Variants in ARHGAP35 observed in about 807,000 individuals in gnomAD.
ARHGAP35 encodes the protein rho GTPase-activating protein 35.
ARHGAP35 carries 15 observed loss-of-function variants against 111.1 expected under a neutral mutation model. That is an observed-to-expected ratio of 0.13 (90% CI 0.09 to 0.21). ARHGAP35 has a LOEUF of 0.21. Ranked by LOEUF, ARHGAP35 falls within the 10% of genes least tolerant of loss-of-function variation. The pLI, the probability that ARHGAP35 is intolerant of heterozygous loss-of-function variation, is 1.00. For missense variants in ARHGAP35, 1,262 were observed against 1,873.0 expected (o/e 0.67, Z 6.02); for synonymous variants, 643 against 710.3 (o/e 0.91, Z 1.51).
intron 1 of ARHGAP35, among the ~76,000 whole-genome samples, chr19:46,904,077 C>T (rs549774935): frequency 1.3e-5 from 2 of 152,214 alleles, no homozygotes; most frequent in South Asian, 2.1e-4. Flanking sequence ...GTCACTTTGA[C>T]TCTAGGGTCT....
intron 3 of ARHGAP35, among the ~76,000 whole-genome samples, chr19:46,978,789 G>T: frequency 7.4e-6 from 1 of 134,840 alleles, no homozygotes; most frequent in Admixed American, 7.5e-5. Flanking sequence ...TGTGTCTGGT[G>T]TGTGTGGTGG....
rs1054677622 is a variant in ARHGAP35 at position 47,002,867 on chromosome 19, G to C, written c.*2179G>C. 1 of 152,238 alleles carries C rather than the reference G, an allele frequency of 6.6e-6. No individual in the cohort carries two copies. Among genetic ancestry groups the C allele is most frequent in the Admixed American group, 6.5e-5 (1 of 15,276 alleles). The allele number at this position is 152,238 out of a possible 1,614,324, so 9.4% of individuals were successfully genotyped here. On this transcript the variant is annotated 3_prime_UTR_variant, in exon 7 of 7. Transcript: ENST00000672722. ...GCCCGATTCCACAGATGTATGTGCG[G>C]CCAGTGACTTCCCCAGGAGTGTGGA...
At chr19:46,947,734 C>T (rs7257157) in intron 3 of ARHGAP35, 10 of 152,214 alleles carry the variant, frequency 6.6e-5, no homozygotes, top group African/African-American at 1.9e-4. Context: ...AGACTGCCCT[C>T]CACATCCCCA....
chr19:46,990,573 C>A (rs2056674513), intron 5 of ARHGAP35, among the ~76,000 whole-genome samples: 1 of 152,196 alleles, frequency 6.6e-6, no homozygotes, highest in Non-Finnish European at 1.5e-5. Context: ...CACCTGTGAT[C>A]CAGCAACCAG....
rs371452250 is a variant in ARHGAP35 at position 46,999,609 on chromosome 19, C to T, written c.4142+200C>T. The T allele has an allele frequency of 1.7e-6, 1 of 580,936 alleles. No homozygotes were observed. 36.0% of individuals were successfully genotyped at this position (580,936 alleles called of 1,614,324 possible). A position where few individuals can be genotyped will look rare whatever the true frequency, so the allele number is the denominator to read the frequency against. ...CTCTCGCCCATCCTCAGGCCTCCCT[C>T]CTGCTCCTGTCTGAGGGCAGCCCAC... On this transcript the variant is annotated intron_variant, in intron 6 of 6. Coordinates refer to ENST00000672722, the MANE Select transcript of ARHGAP35 (RefSeq NM_004491.5). This position sits in a 1 kb window ranked among gnomAD's most constrained non-coding sequence, Gnocchi z 5.4.
At position 47,000,291 on chromosome 19, in the gene ARHGAP35, C is replaced by T. The variant is rs770986509; in HGVS notation, c.4143-40C>T. The T allele has an allele frequency of 6.3e-7, 1 of 1,597,714 alleles. No homozygotes were observed. The highest frequency in any genetic ancestry group is 1.1e-5 in the South Asian group (1 of 88,696). On this transcript the variant is annotated intron_variant, in intron 6 of 6. Transcript: ENST00000672722. This position sits in a 1 kb window ranked among gnomAD's most constrained non-coding sequence, Gnocchi z 6.9. The stretch of plus-strand genomic sequence containing the variant: ...ATGAGCGCCCAGGGCCAGGTGGGGC[C>T]CTGCACAGTTCTGACCATTGAGTTT...
chr19:46,905,692 G>A (rs1264091758), intron 1 of ARHGAP35, among the ~76,000 whole-genome samples: 1 of 152,156 alleles, frequency 6.6e-6, no homozygotes, highest in Non-Finnish European at 1.5e-5. Flanking sequence ...TGGGACTACA[G>A]GCACATGCCA....
At chr19:46,939,736 C>A (rs2056333971) in intron 3 of ARHGAP35, among the ~76,000 whole-genome samples, 1 of 152,032 alleles carries the variant, frequency 6.6e-6, no homozygotes, top group Non-Finnish European at 1.5e-5. Context: ...TTAAATACTT[C>A]AGTGGGTATT....
chr19:46,913,574 G>A (rs912443189), intron 1 of ARHGAP35, among the ~76,000 whole-genome samples: 31 of 152,074 alleles, frequency 2.0e-4, no homozygotes, highest in African/African-American at 6.3e-4. Flanking sequence ...AAGAAGGCAC[G>A]TAGATATTTG....
In ARHGAP35 at chr19:47,004,930, G is replaced by A. The variant is rs1829099943; in HGVS notation, c.*4242G>A. On this transcript the variant is annotated 3_prime_UTR_variant, in exon 7 of 7. Coordinates refer to ENST00000672722, the MANE Select transcript of ARHGAP35 (RefSeq NM_004491.5). ...CCTCAATGAAGGCTGAGGCATCTCT[G>A]ACTGAGGTGTTTTTGTTTGGTTTTG... 1 of 152,156 alleles carries A rather than the reference G, an allele frequency of 6.6e-6. No individual in the cohort carries two copies. The highest frequency in any genetic ancestry group is 2.4e-5 in the African/African-American group (1 of 41,420). 9.4% of individuals were successfully genotyped at this position (152,156 alleles called of 1,614,324 possible). A position where few individuals can be genotyped will look rare whatever the true frequency, so the allele number is the denominator to read the frequency against.
chr19:46,975,527 T>C (rs10407291), intron 3 of ARHGAP35, among the ~76,000 whole-genome samples: 95,562 of 152,064 alleles, frequency 0.63, 30,674 homozygotes, highest in Middle Eastern at 0.8. Flanking sequence ...GGTTTATTAG[T>C]TAATCTCCCG....
At chr19:46,953,978 T>C (rs1201754607) in intron 3 of ARHGAP35, among the ~76,000 whole-genome samples, 1 of 152,126 alleles carries the variant, frequency 6.6e-6, no homozygotes, top group Non-Finnish European at 1.5e-5. Flanking sequence ...TAGACATGCC[T>C]CGATTATAGT....
chr19:46,957,624 A>G (rs1290646417), intron 3 of ARHGAP35, among the ~76,000 whole-genome samples: 3 of 152,182 alleles, frequency 2.0e-5, no homozygotes, highest in African/African-American at 7.2e-5. Flanking sequence ...AAATAAATAA[A>G]TAACTAAACT....
intron 1 of ARHGAP35, among the ~76,000 whole-genome samples, chr19:46,906,167 TA>T (rs889578716): frequency 2.6e-5 from 4 of 151,182 alleles, no homozygotes; most frequent in East Asian, 3.9e-4. Context: ...AAATAAAAAT[TA>T]AAAAAATTAG....
Position 47,000,579 on chromosome 19 carries a change from C to A in ARHGAP35, c.4391C>A (p.Ser1464Tyr). 6.2e-7 allele frequency: 1 copy of A among 1,613,552 alleles called. No individual in the cohort carries two copies. The highest frequency in any genetic ancestry group is 1.1e-5 in the South Asian group (1 of 91,044). The change falls in exon 7 of 7, where the codon TCC becomes TAC. Residue 1464 changes from serine (S) to tyrosine (Y), a missense_variant. By Grantham distance (144) the Ser-to-Tyr change is moderately radical. Transcript: ENST00000672722. This position sits in a 1 kb window ranked among gnomAD's most constrained non-coding sequence, Gnocchi z 6.9. ...GCTTCCACCGTCCCCTTCCTCACTT[C>A]CACGCCTGTCACAAGTCAGCCGTCG... ...AVASTVPFLT[S>Y]TPVTSQPSPP... is the part of the protein sequence containing the mutation.
At chr19:46,898,087 C>A (rs973635550) in intron 1 of ARHGAP35, among the ~76,000 whole-genome samples, 1 of 151,892 alleles carries the variant, frequency 6.6e-6, no homozygotes, top group African/African-American at 2.4e-5. Context: ...ACTAAAAATA[C>A]AAAAATTAGC....
rs2056670179 is a variant in ARHGAP35, at chr19:46,989,776, G to A, written c.4036+101G>A. ...AGAATGGATGCTGGCTGTTAGAGCT[G>A]AGGTTTGAAGGACAGAGGGCAAGGG... is the stretch of plus-strand genomic sequence containing the variant. On this transcript the variant is annotated intron_variant, in intron 5 of 6. Transcript: ENST00000672722. This position sits in a 1 kb window ranked among gnomAD's most constrained non-coding sequence, Gnocchi z 5.3. The A allele has an allele frequency of 1.3e-6, 2 of 1,558,708 alleles. No homozygotes were observed. Among genetic ancestry groups the A allele is most frequent in the Admixed American group, 3.4e-5 (2 of 58,428 alleles).
intron 3 of ARHGAP35, among the ~76,000 whole-genome samples, chr19:46,982,060 A>G (rs1038712370): frequency 1.2e-4 from 19 of 152,094 alleles, no homozygotes; most frequent in Non-Finnish European, 2.4e-4. Context: ...TGTTTTGCCC[A>G]GGTTGGTCTC....
intron 2 of ARHGAP35, among the ~76,000 whole-genome samples, chr19:46,933,683 C>T (rs2056286931): frequency 4.6e-5 from 7 of 152,154 alleles, no homozygotes; most frequent in Admixed American, 3.3e-4. Context: ...TGGCTGGGTG[C>T]GGTGGCTCAT....
Sources: allele counts gnomAD v4.1 joint callset (sites outside exome capture counted in the v4.1 genomes callset), GRCh38; gene constraint gnomAD v4.1.1; non-coding constraint Gnocchi (gnomAD v3.1); transcripts MANE v1.5; gene names NCBI Gene and HGNC (gene_info 2026-07-23, HGNC 2026-07-21).